The following SPTLC3 variants were observed in gnomAD, a reference collection of about 807,000 sequenced individuals.
The protein encoded by SPTLC3 is serine palmitoyltransferase long chain base subunit 3, also known as serine palmitoyltransferase 3.
A neutral mutation model predicts 59.3 loss-of-function variants in SPTLC3; 36 were observed. That is an observed-to-expected ratio of 0.61 (90% confidence interval 0.47 to 0.80). SPTLC3 has a LOEUF of 0.80. SPTLC3 is among the 30% of genes least tolerant of loss of function. The pLI, the probability that SPTLC3 is intolerant of heterozygous loss-of-function variation, is 0.00. For synonymous variants in SPTLC3, 257 were observed against 240.8 expected (o/e 1.07, Z -0.62); for missense variants, 625 against 685.1 (o/e 0.91, Z 0.98).
In SPTLC3 at chr20:13,136,604, C is replaced by CACATAT. The variant is rs151146174; in HGVS notation, c.1279+9888_1279+9889insCATATA. 2.9e-5 allele frequency among the ~76,000 whole-genome samples: 4 copies of CACATAT among 136,076 alleles called. No homozygotes were observed. The East Asian group carries it at 9.6e-4, about 33-fold the overall frequency. 89.3% of individuals were successfully genotyped at this position (136,076 alleles called of 152,430 possible). On this transcript the variant is annotated intron_variant, in intron 9 of 11. Coordinates refer to ENST00000399002, the MANE Select transcript of SPTLC3 (RefSeq NM_018327.4). ...AACAGAGTGAGACCTCATCTAAAAA[C>CACATAT]ATATATATATATATAATATACATAT...
intron 6 of SPTLC3, among the ~76,000 whole-genome samples, chr20:13,109,006 A>G (rs926098150): frequency 1.3e-5 from 2 of 152,196 alleles, no homozygotes; most frequent in African/African-American, 4.8e-5. Flanking sequence ...ACACAGTACA[A>G]ATATAATCAG....
chr20:13,110,208 G>T lies in SPTLC3; in HGVS notation c.923G>T (p.Gly308Val). ...AAAAAGATTCTCATCCTGGTGGAGG[G>T]TGTCTACAGGTATGTAAATAACAGG... is the stretch of plus-strand genomic sequence containing the variant. ...AWKKILILVE[G>V]VYSMEGSIVH... The change falls in exon 7 of 12, where the codon GGT becomes GTT. Residue 308 changes from glycine to valine, a missense_variant. Transcript: ENST00000399002. 1.2e-6 allele frequency: 2 copies of T among 1,613,438 alleles called. No individual in the cohort carries two copies. The highest frequency in any genetic ancestry group is 1.7e-6 in the Non-Finnish European group (2 of 1,179,656).
intron 3 of SPTLC3, chr20:13,073,912 C>T (rs1988540946): frequency 1.8e-6 from 1 of 561,688 alleles, no homozygotes; most frequent in East Asian, 4.5e-5. Context: ...CCCAGAGATG[C>T]ATTCTTCATC....
chr20:13,087,136 G>A (rs1048067961), intron 4 of SPTLC3, among the ~76,000 whole-genome samples: 1 of 152,168 alleles, frequency 6.6e-6, no homozygotes, highest in African/African-American at 2.4e-5. Context: ...AAAGGATCTT[G>A]TAGGGAGCAA....
chr20:13,159,316 C>G (rs2038843093), intron 10 of SPTLC3, among the ~76,000 whole-genome samples: 2 of 152,180 alleles, frequency 1.3e-5, no homozygotes, highest in African/African-American at 2.4e-5. Flanking sequence ...CCTTTCTGCC[C>G]CATTCCTCTT....
intron 1 of SPTLC3, among the ~76,000 whole-genome samples, chr20:13,031,884 G>T (rs1003286910): frequency 1.3e-5 from 2 of 152,124 alleles, no homozygotes; most frequent in South Asian, 2.1e-4. Context: ...GATTTGAGAG[G>T]ATCAACTTAG....
At chr20:13,103,239 T>C (rs1197680749) in intron 6 of SPTLC3, among the ~76,000 whole-genome samples, 1 of 152,218 alleles carries the variant, frequency 6.6e-6, no homozygotes, top group Non-Finnish European at 1.5e-5. Flanking sequence ...TTGGTCATTG[T>C]GATTTTGTTT....
At chr20:13,083,490 G>T (rs778356281) in intron 4 of SPTLC3, among the ~76,000 whole-genome samples, 26 of 152,172 alleles carry the variant, frequency 1.7e-4, no homozygotes, top group Non-Finnish European at 3.7e-4. Context: ...TTTAGTCAAA[G>T]TAAAATACAG....
At chr20:13,032,972 T>C (rs903043566) in intron 1 of SPTLC3, among the ~76,000 whole-genome samples, 2 of 152,160 alleles carry the variant, frequency 1.3e-5, no homozygotes, top group African/African-American at 2.4e-5. Flanking sequence ...AACTTATCAC[T>C]CTCTTTGACT....
intron 11 of SPTLC3, among the ~76,000 whole-genome samples, chr20:13,163,094 G>A (rs8117036): frequency 0.24 from 35,735 of 152,036 alleles, 4,535 homozygotes; most frequent in South Asian, 0.44. Context: ...GAGGTCGGGC[G>A]CAGTGGCTCA....
chr20:13,056,741 C>CT (rs34096106), intron 2 of SPTLC3, among the ~76,000 whole-genome samples: 6,323 of 129,164 alleles, frequency 0.049, 175 homozygotes, highest in Admixed American at 0.07. Context: ...CATCCTTAAT[C>CT]TTTTTTTTTT....
intron 9 of SPTLC3, among the ~76,000 whole-genome samples, chr20:13,139,395 AT>A (rs1224310753): frequency 6.6e-6 from 1 of 152,080 alleles, no homozygotes; most frequent in African/African-American, 2.4e-5. Flanking sequence ...ATAGAAATTC[AT>A]TTTTTCCTAA....
intron 9 of SPTLC3, among the ~76,000 whole-genome samples, chr20:13,153,792 C>T (rs907722452): frequency 6.6e-6 from 1 of 152,180 alleles, no homozygotes; most frequent in African/African-American, 2.4e-5. Context: ...GTAGAACCCT[C>T]CACCTCCCTT....
At chr20:13,087,248 C>T (rs1421678972) in intron 4 of SPTLC3, among the ~76,000 whole-genome samples, 1 of 152,182 alleles carries the variant, frequency 6.6e-6, no homozygotes, top group Non-Finnish European at 1.5e-5. Flanking sequence ...TTTAGTGATG[C>T]AATTGTTGTA....
chr20:13,038,346 T>C (rs1986827991), intron 1 of SPTLC3, among the ~76,000 whole-genome samples: 1 of 152,162 alleles, frequency 6.6e-6, no homozygotes, highest in African/African-American at 2.4e-5. Context: ...TTTCAAATTA[T>C]TAATTCAATG....
intron 9 of SPTLC3, among the ~76,000 whole-genome samples, chr20:13,141,168 T>G (rs2038373786): frequency 6.6e-6 from 1 of 152,228 alleles, no homozygotes. Flanking sequence ...TTCCTACTGT[T>G]TATTTTTGAC....
At position 13,166,508 on chromosome 20, in the gene SPTLC3, C is replaced by A. The variant is rs1213241954; in HGVS notation, c.*1641C>A. On this transcript the variant is annotated 3_prime_UTR_variant, in exon 12 of 12. Coordinates refer to ENST00000399002, the MANE Select transcript of SPTLC3 (RefSeq NM_018327.4). Reference sequence around the variant, plus strand: ...GGGTTCTGAAAATGCAGTTTCCCATCCAATGATTTTGATAACAAAATTCCA... The same window carrying A: ...GGGTTCTGAAAATGCAGTTTCCCATACAATGATTTTGATAACAAAATTCCA... The A allele has an allele frequency of 2.0e-5, 3 of 152,150 alleles. No individual in the cohort carries two copies. Among genetic ancestry groups the A allele is most frequent in the Non-Finnish European group, 4.4e-5 (3 of 68,024 alleles). The allele number at this position is 152,150 out of a possible 1,614,324, so 9.4% of individuals were successfully genotyped here. A position where few individuals can be genotyped will look rare whatever the true frequency, so the allele number is the denominator to read the frequency against.
At chr20:13,154,708 C>T (rs1202307303) in intron 10 of SPTLC3, among the ~76,000 whole-genome samples, 1 of 152,172 alleles carries the variant, frequency 6.6e-6, no homozygotes, top group African/African-American at 2.4e-5. Flanking sequence ...TTCTCATGCC[C>T]TTACTGTGAA....
intron 8 of SPTLC3, among the ~76,000 whole-genome samples, chr20:13,120,128 A>C (rs191233276): frequency 6.6e-6 from 1 of 152,348 alleles, no homozygotes; most frequent in Admixed American, 6.5e-5. Context: ...GATTCGGCAA[A>C]TACTAAAGAT....
Sources: allele counts gnomAD v4.1 joint callset (sites outside exome capture counted in the v4.1 genomes callset), GRCh38; gene constraint gnomAD v4.1.1; transcripts MANE v1.5; gene names NCBI Gene and HGNC (gene_info 2026-07-23, HGNC 2026-07-21).